Variants in TTN observed in about 807,000 individuals in gnomAD.
TTN encodes titin.
In TTN, 1,525 loss-of-function variants were observed where a neutral mutation model predicts 3,223.0. The observed-to-expected ratio is 0.47, with a 90% CI of 0.45 to 0.49. The LOEUF (loss-of-function observed/expected upper bound fraction) is 0.49. TTN is among the 20% of genes least tolerant of loss of function. The pLI is 0.00. For missense variants in TTN, 40,786 were observed against 43,424.0 expected (o/e 0.94, Z 5.40); for synonymous variants, 14,094 against 15,161.0 (o/e 0.93, Z 5.17).
chr2:178,619,068 G>C (rs761737050), intron 250 of TTN: 45 of 625,712 alleles, frequency 7.2e-5, no homozygotes, highest in Non-Finnish European at 1.1e-4. Flanking sequence ...GATTGAGAAT[G>C]GCATAAAATC....
rs775049806 is a variant in TTN at position 178,532,553 on chromosome 2, C to G, written c.104062G>C (p.Glu34688Gln). 2.5e-6 allele frequency: 4 copies of G among 1,613,834 alleles called. No individual in the cohort carries two copies. The highest frequency in any genetic ancestry group is 1.3e-5 in the African/African-American group (1 of 74,908). Residue 34688 changes from glutamate (E) to glutamine (Q), a missense_variant, in exon 358 of 363, where the codon GAG (glutamate) becomes CAG (glutamine). Glu to Gln is a conservative substitution (Grantham distance 29). Coordinates refer to ENST00000589042, the MANE Select transcript of TTN (RefSeq NM_001267550.2). ...GGGGGTGAAGCTGAAAAACCTAACTCAAGCTCTTCTTCAAGACGCAGCCTC... is the reference window on the plus strand; with the variant it reads ...GGGGGTGAAGCTGAAAAACCTAACTGAAGCTCTTCTTCAAGACGCAGCCTC... The part of the protein sequence containing the change: ...EERLRLEEEL[E>Q]LGFSASPPSR...
rs750047570 is a variant in TTN at position 178,542,437 on chromosome 2, C to T, written c.97319G>A (p.Arg32440His). 16 of 1,613,548 alleles carry T rather than the reference C, an allele frequency of 9.9e-6. No homozygotes were observed. The highest frequency in any genetic ancestry group is 6.7e-5 in the African/African-American group (5 of 74,902). Residue 32440 changes from arginine to histidine, a missense_variant, in exon 349 of 363, where the codon CGT becomes CAT. Coordinates refer to ENST00000589042, the MANE Select transcript of TTN (RefSeq NM_001267550.2). ...CAGCCATCCTGGACGATGAGCGTCA[C>T]GTTGTTCTACCACATAACCACTCAG... ...APLSGYVVEQ[R>H]DAHRPGWLPV...
chr2:178,537,673 C>T lies in TTN; in HGVS notation c.99534G>A (p.Glu33178=). 3 of 1,613,812 alleles carry T rather than the reference C, an allele frequency of 1.9e-6. No homozygotes were observed. Among genetic ancestry groups the T allele is most frequent in the Non-Finnish European group, 2.5e-6 (3 of 1,179,790 alleles). The change falls in exon 355 of 363, where the codon GAG becomes GAA. Residue 33178 remains glutamate, a synonymous_variant. Transcript: ENST00000589042. ...EGVYTCIATN[E]VGEVETSSKL... The stretch of plus-strand genomic sequence containing the variant: ...TACTACTGGTTTCTACTTCTCCAAC[C>T]TCATTGGTGGCTATGCAGGTATAAA...
intron 264 of TTN, 24 bp downstream of exon 264, chr2:178,613,137 C>A: frequency 6.2e-7 from 1 of 1,607,266 alleles, no homozygotes; most frequent in Non-Finnish European, 8.5e-7. Context: ...TTCGAAATAA[C>A]CACAAAAATT....
intron 43 of TTN, among the ~76,000 whole-genome samples, chr2:178,759,766 A>AT (rs1561120640): frequency 6.6e-6 from 1 of 152,310 alleles, no homozygotes; most frequent in East Asian, 1.9e-4. Context: ...AGAGAAAATA[A>AT]TTTTTTAAAT....
intron 47 of TTN, among the ~76,000 whole-genome samples, chr2:178,743,940 T>G (rs989688234): frequency 4.6e-5 from 7 of 151,908 alleles, no homozygotes; most frequent in Non-Finnish European, 1.0e-4. Context: ...AATTCAAAAT[T>G]TTTTTTGTGA....
intron 85 of TTN, 41 bp from the exon 86 acceptor site, chr2:178,718,262 A>G: frequency 1.3e-6 from 2 of 1,595,036 alleles, no homozygotes; most frequent in Non-Finnish European, 1.7e-6. Flanking sequence ...CAGTCATGCC[A>G]TGTAAAAGAG....
intron 41 of TTN, 33 bp downstream of exon 41, chr2:178,766,348 C>T: frequency 2.6e-6 from 4 of 1,516,824 alleles, no homozygotes; most frequent in Non-Finnish European, 2.7e-6. Flanking sequence ...TCTGATGGAT[C>T]CACAAAATAT....
chr2:178,745,157 A>G, intron 47 of TTN: 12 of 994,718 alleles, frequency 1.2e-5, no homozygotes, highest in Non-Finnish European at 1.4e-5. Flanking sequence ...TTAGAATGGG[A>G]GCAGAGAGAT....
intron 312 of TTN, 102 bp from the exon 313 acceptor site, chr2:178,583,329 G>T: frequency 8.9e-7 from 1 of 1,125,854 alleles, no homozygotes; most frequent in Non-Finnish European, 1.2e-6. Context: ...TTCAAGAATG[G>T]AATTTTAGTG....
intron 312 of TTN, 61 bp from the exon 313 acceptor site, chr2:178,583,288 A>C (rs913782528): frequency 1.8e-5 from 25 of 1,363,904 alleles, no homozygotes; most frequent in African/African-American, 2.9e-5. Flanking sequence ...AATCCTTATT[A>C]ATAATAGTGG....
rs2057147630 is a variant in TTN, at chr2:178,615,399, A to G, written c.48546T>C (p.Asp16182=). Reference sequence around the variant, plus strand: ...TATATCCTTTGATGCGTGAACCACCATCATTTTTAGGTGGATCCCATGTTA... The same window carrying G: ...TATATCCTTTGATGCGTGAACCACCGTCATTTTTAGGTGGATCCCATGTTA... ...IFLTWDPPKN[D]GGSRIKGYIV... is the part of the protein sequence containing the mutation. Residue 16182 remains aspartate, a synonymous_variant, in exon 259 of 363, where the codon GAT becomes GAC. Transcript: ENST00000589042. 1.2e-6 allele frequency: 2 copies of G among 1,612,608 alleles called. No individual in the cohort carries two copies. Among genetic ancestry groups the G allele is most frequent in the African/African-American group, 1.3e-5 (1 of 74,904 alleles).
rs281864908 is a variant in TTN, at chr2:178,738,108, C to T, written c.14345G>A (p.Ser4782Asn). The T allele has an allele frequency of 6.2e-7, 1 of 1,613,664 alleles. No homozygotes were observed. Among genetic ancestry groups the T allele is most frequent in the Non-Finnish European group, 8.5e-7 (1 of 1,179,660 alleles). Residue 4782 changes from serine to asparagine, a missense_variant, in exon 49 of 363, where the codon AGC becomes AAC. Ser to Asn is a conservative substitution (Grantham distance 46, BLOSUM62 1). Transcript: ENST00000589042. Reference protein sequence around the residue: ...CKASNEYGSVSCTATLTVTEA... With the variant: ...CKASNEYGSVNCTATLTVTEA... ...TGTCACAGTTAGTGTGGCTGTACAG[C>T]TGACACTGCCATACTCATTGGAAGC...
In TTN at chr2:178,711,177, G is replaced by A; in HGVS notation, c.28059C>T (p.Asp9353=). The A allele has an allele frequency of 1.2e-6, 2 of 1,613,836 alleles. No individual in the cohort carries two copies. The highest frequency in any genetic ancestry group is 2.2e-5 in the South Asian group (2 of 91,080). The change falls in exon 97 of 363, where the codon GAC becomes GAT. Residue 9353 remains aspartate, a synonymous_variant. Transcript: ENST00000589042. ...DSPNVQTSFL[D]NTATLNIFKT... ...TAAAAATATTGAGTGTGGCTGTATT[G>A]TCTAAAAATGATGTTTGTACATTTG...
chr2:178,713,399 AAAACAAAAC>A (rs1022371126), intron 92 of TTN, 27 bp from the exon 93 acceptor site: 1 of 1,469,482 alleles, frequency 6.8e-7, no homozygotes, highest in African/African-American at 1.4e-5. Flanking sequence ...AAAACAAAAC[AAAACAAAAC>A]AAAAAAAACA....
At chr2:178,697,280 T>C in intron 112 of TTN, 112 bp from the exon 113 acceptor site, 3 of 795,760 alleles carry the variant, frequency 3.8e-6, no homozygotes, top group Non-Finnish European at 3.7e-6. Context: ...TGACTACTAC[T>C]CATACACCAG....
chr2:178,568,816 A>G lies in TTN; in HGVS notation c.77316T>C (p.Val25772=). 3.7e-6 allele frequency: 6 copies of G among 1,613,210 alleles called. No homozygotes were observed. The highest frequency in any genetic ancestry group is 5.1e-6 in the Non-Finnish European group (6 of 1,179,556). Residue 25772 remains valine (V), a synonymous_variant, in exon 326 of 363, where the codon GTT becomes GTC. Transcript: ENST00000589042. ...TQGEEYLFRV[V]AVNEKGRSDP... is the part of the protein sequence containing the mutation. ...CACTTCTCCCCTTTTCATTTACAGC[A>G]ACAACTCTAAAAAGATATTCTTCCC...
rs1365958813 is a variant in TTN at position 178,697,016 on chromosome 2, C to T, written c.30802+105G>A. The T allele has an allele frequency of 2.6e-5, 27 of 1,038,030 alleles. No homozygotes were observed. In the South Asian group the frequency reaches 3.9e-4, roughly 15 times the overall value. 64.3% of individuals were successfully genotyped at this position (1,038,030 alleles called of 1,614,324 possible). A position where few individuals can be genotyped will look rare whatever the true frequency, so the allele number is the denominator to read the frequency against. On this transcript the variant is annotated intron_variant, in intron 113 of 362. Transcript: ENST00000589042. ...TAAATTTAACACAGCAGAGGAGACTCCACAACTTTCAATAAGTTGGAAGCC... is the reference window on the plus strand; with the variant it reads ...TAAATTTAACACAGCAGAGGAGACTTCACAACTTTCAATAAGTTGGAAGCC...
chr2:178,710,485 T>G, intron 98 of TTN, 150 bp downstream of exon 98: 1 of 970,770 alleles, frequency 1.0e-6, no homozygotes, highest in East Asian at 2.5e-5. Context: ...AATGACTTCT[T>G]CTCTAGATAA....
Sources: gnomAD v4.1 joint callset for allele counts (sites outside exome capture counted in the v4.1 genomes callset) on GRCh38, gnomAD v4.1.1 for gene constraint, MANE v1.5 for transcripts, NCBI Gene and HGNC (gene_info 2026-07-23, HGNC 2026-07-21) for gene names.